The following MAGI1 variants were observed in gnomAD, a reference collection of about 807,000 sequenced individuals.
MAGI1 encodes the protein membrane associated guanylate kinase, WW and PDZ domain containing 1.
A neutral mutation model predicts 139.9 loss-of-function variants in MAGI1; 58 were observed. That is an observed-to-expected ratio of 0.41 (90% CI 0.34 to 0.52). The LOEUF is 0.52. MAGI1 is among the 20% of genes least tolerant of loss of function. The probability of loss-of-function intolerance (pLI) is 0.12; values close to 1 mark genes in which losing one functional copy is unlikely to be tolerated. For synonymous variants in MAGI1, 812 were observed against 737.9 expected (o/e 1.10, Z -1.63); for missense variants, 1,874 against 1,901.6 (o/e 0.99, Z 0.27).
chr3:66,020,897 G>A (rs1396615800), intron 1 of MAGI1, among the ~76,000 whole-genome samples: 1 of 152,244 alleles, frequency 6.6e-6, no homozygotes, highest in South Asian at 2.1e-4. Flanking sequence ...CTGGGACAAT[G>A]AGCGCACTAC....
chr3:66,005,714 T>A (rs901537243), intron 1 of MAGI1, among the ~76,000 whole-genome samples: 2 of 151,950 alleles, frequency 1.3e-5, no homozygotes, highest in African/African-American at 2.4e-5. Context: ...GGAAAGAAGA[T>A]GACACAAAAA....
intron 1 of MAGI1, among the ~76,000 whole-genome samples, chr3:65,868,734 T>C (rs537606287): frequency 3.5e-4 from 54 of 152,266 alleles, no homozygotes; most frequent in African/African-American, 1.3e-3. Flanking sequence ...GAACCATTCC[T>C]ACATGACCCA....
At chr3:65,418,163 G>T (rs1163937344) in intron 12 of MAGI1, among the ~76,000 whole-genome samples, 7 of 152,156 alleles carry the variant, frequency 4.6e-5, no homozygotes, top group African/African-American at 1.7e-4. Flanking sequence ...TCCAGTTCCA[G>T]CAGACTGTTG....
chr3:65,969,349 G>C (rs1394486494), intron 1 of MAGI1, among the ~76,000 whole-genome samples: 1 of 152,174 alleles, frequency 6.6e-6, no homozygotes, highest in East Asian at 1.9e-4. Flanking sequence ...TTCTGTGTTA[G>C]GGGCTGGGGG....
rs765313775 is a variant in MAGI1, at chr3:65,429,474, A to G, written c.2167+46T>C. 6.5e-6 allele frequency: 10 copies of G among 1,534,204 alleles called. No homozygotes were observed. In the African/African-American group the frequency reaches 9.7e-5, roughly 15 times the overall value. On this transcript the variant is annotated intron_variant, in intron 12 of 22. Coordinates refer to ENST00000402939, the MANE Select transcript of MAGI1 (RefSeq NM_001033057.2). Reference sequence around the variant, plus strand: ...TGAAGATGAGTAAGTTAAGCAATGAATTTGGGATAAAAAAAAAATTCAAAG... The same window carrying G: ...TGAAGATGAGTAAGTTAAGCAATGAGTTTGGGATAAAAAAAAAATTCAAAG...
intron 1 of MAGI1, among the ~76,000 whole-genome samples, chr3:65,909,043 G>A (rs2061552276): frequency 6.6e-6 from 1 of 152,130 alleles, no homozygotes; most frequent in African/African-American, 2.4e-5. Context: ...CCAATTCCAT[G>A]CACAATTGGG....
At chr3:65,966,982 T>C (rs1560064178) in intron 1 of MAGI1, among the ~76,000 whole-genome samples, 1 of 152,198 alleles carries the variant, frequency 6.6e-6, no homozygotes, top group South Asian at 2.1e-4. Context: ...CAAAACTCTA[T>C]GAAGTTAGCA....
intron 5 of MAGI1, among the ~76,000 whole-genome samples, chr3:65,467,794 C>T (rs1217854656): frequency 1.3e-5 from 2 of 152,180 alleles, no homozygotes; most frequent in Non-Finnish European, 2.9e-5. Context: ...ACCTATTATC[C>T]TTCCCTTTTC....
chr3:65,377,355 C>A (rs564583321), intron 17 of MAGI1, among the ~76,000 whole-genome samples: 2 of 152,194 alleles, frequency 1.3e-5, no homozygotes, highest in African/African-American at 4.8e-5. Context: ...ACAAAGGTAT[C>A]GAACAGCAGG....
At chr3:65,658,810 G>T (rs902006650) in intron 1 of MAGI1, among the ~76,000 whole-genome samples, 7 of 152,168 alleles carry the variant, frequency 4.6e-5, no homozygotes, top group African/African-American at 1.7e-4. Flanking sequence ...AAAACGAAGT[G>T]AAATAAGTGC....
At chr3:65,455,621 T>C (rs998247912) in intron 5 of MAGI1, among the ~76,000 whole-genome samples, 1 of 152,064 alleles carries the variant, frequency 6.6e-6, no homozygotes, top group Non-Finnish European at 1.5e-5. Context: ...CCTGTGGTCC[T>C]AGCTACTGGA....
At chr3:65,508,778 G>C (rs953585910) in intron 2 of MAGI1, among the ~76,000 whole-genome samples, 1 of 152,192 alleles carries the variant, frequency 6.6e-6, no homozygotes, top group Non-Finnish European at 1.5e-5. Context: ...AAACTGGGGA[G>C]TTTTGTTTTT....
intron 1 of MAGI1, among the ~76,000 whole-genome samples, chr3:65,747,710 TA>T (rs1433210189): frequency 6.6e-6 from 1 of 152,112 alleles, no homozygotes; most frequent in Non-Finnish European, 1.5e-5. Context: ...TGCAAGATGT[TA>T]AGAAGAGAAA....
chr3:65,954,079 C>A (rs60436848), intron 1 of MAGI1, among the ~76,000 whole-genome samples: 20 of 152,184 alleles, frequency 1.3e-4, no homozygotes, highest in African/African-American at 4.6e-4. Flanking sequence ...ACCCCAACCC[C>A]CCATACTCCG....
At chr3:65,438,820 C>T (rs1490755497) in intron 9 of MAGI1, among the ~76,000 whole-genome samples, 2 of 152,234 alleles carry the variant, frequency 1.3e-5, no homozygotes, top group Non-Finnish European at 2.9e-5. Context: ...AACACAGCTA[C>T]ACCTATTCAT....
intron 1 of MAGI1, among the ~76,000 whole-genome samples, chr3:65,992,920 G>A (rs1459505730): frequency 6.6e-6 from 1 of 152,028 alleles, no homozygotes; most frequent in Non-Finnish European, 1.5e-5. Flanking sequence ...CAATCTCCTG[G>A]GTCAAAAGAT....
intron 2 of MAGI1, among the ~76,000 whole-genome samples, chr3:65,558,224 A>G (rs2080179064): frequency 6.6e-6 from 1 of 152,194 alleles, no homozygotes; most frequent in South Asian, 2.1e-4. Flanking sequence ...ATCTGTTTCT[A>G]AACGTTTCCA....
chr3:65,669,179 T>G (rs375620221), intron 1 of MAGI1, among the ~76,000 whole-genome samples: 1 of 152,108 alleles, frequency 6.6e-6, no homozygotes, highest in Non-Finnish European at 1.5e-5. Flanking sequence ...CTGTGAGCCA[T>G]TGCACCCAGC....
At chr3:65,610,313 C>G (rs142989893) in intron 2 of MAGI1, among the ~76,000 whole-genome samples, 139 of 152,222 alleles carry the variant, frequency 9.1e-4, no homozygotes, top group Non-Finnish European at 1.2e-3. Flanking sequence ...GTATTAGCCA[C>G]AAACTTCTAT....
Sources: gnomAD v4.1 joint callset for allele counts (sites outside exome capture counted in the v4.1 genomes callset) on GRCh38, gnomAD v4.1.1 for gene constraint, MANE v1.5 for transcripts, NCBI Gene and HGNC (gene_info 2026-07-23, HGNC 2026-07-21) for gene names.